The following PCNX2 variants were observed in gnomAD, a reference collection of about 807,000 sequenced individuals.
PCNX2 encodes pecanex-like protein 2.
PCNX2 carries 168 observed loss-of-function variants against 223.8 expected under a neutral mutation model. That is an observed-to-expected ratio of 0.75 (90% CI 0.66 to 0.85). PCNX2 has a LOEUF of 0.85. Among genes scored for constraint, PCNX2 ranks in the 40% least tolerant of loss-of-function variants. The pLI, the probability that PCNX2 is intolerant of heterozygous loss-of-function variation, is 0.00. For missense variants in PCNX2, 2,507 were observed against 2,675.5 expected, an observed-to-expected ratio of 0.94 and a Z score of 1.39; for synonymous variants, 1,006 against 1,052.6, an observed-to-expected ratio of 0.96 and a Z score of 0.86.
At chr1:233,009,515 G>A (rs977365915) in intron 28 of PCNX2, among the ~76,000 whole-genome samples, 1 of 152,284 alleles carries the variant, frequency 6.6e-6, no homozygotes, top group African/African-American at 2.4e-5. Context: ...TTGTAAAGTA[G>A]TTTGACCTCA....
intron 32 of PCNX2, among the ~76,000 whole-genome samples, chr1:232,986,820 G>C (rs970640600): frequency 1.3e-5 from 2 of 152,224 alleles, no homozygotes; most frequent in Non-Finnish European, 2.9e-5. Flanking sequence ...TGACAGATCT[G>C]CTCAGTTTGC....
chr1:233,099,369 C>T (rs539659511), intron 21 of PCNX2, among the ~76,000 whole-genome samples: 2 of 152,294 alleles, frequency 1.3e-5, no homozygotes, highest in South Asian at 2.1e-4. Flanking sequence ...GCTGCAGCCA[C>T]GTTCTTTCAG....
At chr1:233,084,821 G>A (rs1403766553) in intron 23 of PCNX2, among the ~76,000 whole-genome samples, 1 of 152,120 alleles carries the variant, frequency 6.6e-6, no homozygotes, top group Non-Finnish European at 1.5e-5. Flanking sequence ...GACATTACGG[G>A]GATGTATAAA....
At position 232,991,116 on chromosome 1, in the gene PCNX2, A is replaced by G. The variant is rs1669683152; in HGVS notation, c.5792-4576T>C. ...GAAATTCTGACCACAGACAAGGCAC[A>G]TGCATCAGGCAGGGATTGGAGGGGA... On this transcript the variant is annotated intron_variant, in intron 32 of 33. Transcript: ENST00000258229. The surrounding 1 kb of genome is among the most constrained non-coding windows in gnomAD (Gnocchi z 4.3). Among the ~76,000 whole-genome samples the G allele has an allele frequency of 6.6e-6, 1 of 152,204 alleles. No individual in the cohort carries two copies. Among genetic ancestry groups the G allele is most frequent in the Admixed American group, 6.5e-5 (1 of 15,284 alleles).
the PCNX2 span, among the ~76,000 whole-genome samples, chr1:233,307,268 T>C: frequency 6.6e-6 from 1 of 151,994 alleles, no homozygotes; most frequent in African/African-American, 2.4e-5. Context: ...TGGTGGGAGG[T>C]CTTTAGGTCC....
At chr1:233,093,108 C>G (rs927705998) in intron 22 of PCNX2, among the ~76,000 whole-genome samples, 21 of 152,118 alleles carry the variant, frequency 1.4e-4, no homozygotes, top group African/African-American at 5.1e-4. Flanking sequence ...CAGAAAACAT[C>G]AATTATTAAC....
intron 28 of PCNX2, 85 bp downstream of exon 28, chr1:233,014,580 A>C: frequency 9.5e-7 from 1 of 1,056,274 alleles, no homozygotes; most frequent in Non-Finnish European, 1.4e-6. Flanking sequence ...CAGCTTCAAA[A>C]TAAAGGAAAT....
Position 233,198,937 on chromosome 1 carries a change from A to T in PCNX2, c.3066+2T>A. The T allele has an allele frequency of 6.2e-7, 1 of 1,600,684 alleles. No homozygotes were observed. Among genetic ancestry groups the T allele is most frequent in the Non-Finnish European group, 8.5e-7 (1 of 1,173,782 alleles). On this transcript the variant is annotated splice_donor_variant, in intron 15 of 33. Transcript: ENST00000258229. LOFTEE classifies it high-confidence loss of function. ...ATGAGGGCCCATGGTCCTCACACCT[A>T]CCTTCACTGCACTGAAGCAGACTGC...
At chr1:233,057,596 A>C (rs1672240346) in intron 23 of PCNX2, 1 of 257,426 alleles carries the variant, frequency 3.9e-6, no homozygotes, top group South Asian at 6.5e-5. Flanking sequence ...TAGGCTGAGC[A>C]CGGTGGCTCA....
chr1:233,071,402 T>C (rs1341750043), intron 23 of PCNX2, among the ~76,000 whole-genome samples: 2 of 152,196 alleles, frequency 1.3e-5, no homozygotes, highest in Non-Finnish European at 2.9e-5. Context: ...TAAGTGAGAA[T>C]ATGAGGTATT....
chr1:233,033,992 T>A (rs530921599), intron 25 of PCNX2, among the ~76,000 whole-genome samples: 1 of 152,132 alleles, frequency 6.6e-6, no homozygotes, highest in East Asian at 1.9e-4. Flanking sequence ...GGCAGGTGGA[T>A]CATGAGGTCA....
rs200512141 is a variant in PCNX2 at position 233,090,488 on chromosome 1, C to CTAA, written c.3947-301_3947-299dup. On this transcript the variant is annotated intron_variant, in intron 22 of 33. Coordinates refer to ENST00000258229, the MANE Select transcript of PCNX2 (RefSeq NM_014801.4). The stretch of plus-strand genomic sequence containing the variant: ...GATTGAAAAGAACAGTTTCTTTTCA[C>CTAA]TAAGATTATTAGCTGAACAAAACAC... Among the ~76,000 whole-genome samples the CTAA allele has an allele frequency of 9.4e-3, 1,430 of 152,252 alleles. 24 individuals are homozygous for CTAA. Among genetic ancestry groups the CTAA allele is most frequent in the African/African-American group, 0.033 (1,388 of 41,532 alleles).
At position 233,160,356 on chromosome 1, in the gene PCNX2, G is replaced by C; in HGVS notation, c.3444C>G (p.Arg1148=). The change falls in exon 19 of 34, where the codon CGC becomes CGG. Residue 1148 remains arginine, a synonymous_variant. Coordinates refer to ENST00000258229, the MANE Select transcript of PCNX2 (RefSeq NM_014801.4). ...FVTHYVLPQL[R]KHHPWMWISH... Reference sequence around the variant, plus strand: ...AAATCCACATCCAGGGATGATGCTTGCGGAGCTGAGGGAGCACGTAATGTG... The same window carrying C: ...AAATCCACATCCAGGGATGATGCTTCCGGAGCTGAGGGAGCACGTAATGTG... 6.2e-7 allele frequency: 1 copy of C among 1,613,266 alleles called. No homozygotes were observed. Among genetic ancestry groups the C allele is most frequent in the Non-Finnish European group, 8.5e-7 (1 of 1,179,532 alleles).
intron 21 of PCNX2, among the ~76,000 whole-genome samples, chr1:233,107,992 A>C (rs761297063): frequency 5.9e-5 from 9 of 152,342 alleles, no homozygotes; most frequent in Non-Finnish European, 1.2e-4. Flanking sequence ...CCTCACTGCT[A>C]CACTCCCACC....
chr1:232,987,460 G>T (rs1435707679), intron 32 of PCNX2, among the ~76,000 whole-genome samples: 1 of 152,212 alleles, frequency 6.6e-6, no homozygotes, highest in East Asian at 1.9e-4. Flanking sequence ...ATATCATTTT[G>T]ATGGGAGCAG....
At chr1:233,238,218 T>C (rs866737032) in intron 8 of PCNX2, among the ~76,000 whole-genome samples, 1 of 152,194 alleles carries the variant, frequency 6.6e-6, no homozygotes, top group Non-Finnish European at 1.5e-5. Flanking sequence ...CAAATCACAC[T>C]GTCTAACACA....
At chr1:233,102,004 A>C (rs1350573358) in intron 21 of PCNX2, among the ~76,000 whole-genome samples, 1 of 152,154 alleles carries the variant, frequency 6.6e-6, no homozygotes, top group East Asian at 1.9e-4. Context: ...TAAGGTGAAA[A>C]TTTAAAAACA....
intron 27 of PCNX2, 122 bp downstream of exon 27, chr1:233,016,799 G>A: frequency 6.9e-7 from 1 of 1,447,374 alleles, no homozygotes; most frequent in South Asian, 1.5e-5. Context: ...TCCAAATAGT[G>A]CTTTTTTTCT....
chr1:233,284,857 C>T (rs1661364780), intron 1 of PCNX2, among the ~76,000 whole-genome samples: 1 of 152,010 alleles, frequency 6.6e-6, no homozygotes, highest in African/African-American at 2.4e-5. Flanking sequence ...AGAGCCACAG[C>T]ATGACACCCA....
Sources: allele counts gnomAD v4.1 joint callset (sites outside exome capture counted in the v4.1 genomes callset), GRCh38; gene constraint gnomAD v4.1.1; non-coding constraint Gnocchi (gnomAD v3.1); transcripts MANE v1.5; gene names NCBI Gene and HGNC (gene_info 2026-07-23, HGNC 2026-07-21).